The following GDAP1L1 variants were observed in gnomAD, a reference collection of about 807,000 sequenced individuals.
GDAP1L1 encodes the protein ganglioside-induced differentiation-associated protein 1-like 1.
A neutral mutation model predicts 37.1 loss-of-function variants in GDAP1L1; 21 were observed. The ratio of observed to expected loss-of-function variants is 0.57; its 90% CI spans 0.40 to 0.81. The LOEUF is 0.81. Among genes scored for constraint, GDAP1L1 ranks in the 40% least tolerant of loss-of-function variants. GDAP1L1 has a pLI of 0.00. For synonymous variants in GDAP1L1, 193 were observed against 209.1 expected (o/e 0.92, Z 0.67); for missense variants, 362 against 491.6 (o/e 0.74, Z 2.49).
intron 5 of GDAP1L1, among the ~76,000 whole-genome samples, chr20:44,270,682 T>C (rs958140640): frequency 2.0e-5 from 3 of 152,176 alleles, no homozygotes; most frequent in African/African-American, 7.2e-5. Flanking sequence ...TAGAGGCCTC[T>C]ATCCCCTGCT....
intron 5 of GDAP1L1, chr20:44,265,146 T>C (rs1191747481): frequency 1.0e-6 from 1 of 985,300 alleles, no homozygotes; most frequent in Non-Finnish European, 1.2e-6. Flanking sequence ...GAATGCATTA[T>C]AGCTCCTTCG....
intron 1 of GDAP1L1, among the ~76,000 whole-genome samples, chr20:44,249,385 C>G (rs776519391): frequency 6.6e-6 from 1 of 152,172 alleles, no homozygotes; most frequent in Non-Finnish European, 1.5e-5. Context: ...CAGAGTTAAT[C>G]AAGGTCATAC....
At chr20:44,262,178 T>C (rs1191158662) in intron 3 of GDAP1L1, among the ~76,000 whole-genome samples, 1 of 151,134 alleles carries the variant, frequency 6.6e-6, no homozygotes, top group East Asian at 1.9e-4. Flanking sequence ...ATATCTCTGG[T>C]AGGGGTGGGG....
chr20:44,252,356 C>T (rs920238590), intron 1 of GDAP1L1, among the ~76,000 whole-genome samples: 2 of 152,168 alleles, frequency 1.3e-5, no homozygotes, highest in African/African-American at 4.8e-5. Context: ...CCTAAAAATA[C>T]AGGCTGGGCG....
intron 5 of GDAP1L1, chr20:44,265,096 T>C (rs966806289): frequency 1.2e-5 from 12 of 985,286 alleles, no homozygotes; most frequent in African/African-American, 1.7e-5. Context: ...CACAACTTGA[T>C]GGCCACTACC....
chr20:44,247,198 GC>G (rs2073344607), upstream of GDAP1L1: 4 of 865,586 alleles, frequency 4.6e-6, no homozygotes, highest in South Asian at 3.3e-5. Flanking sequence ...TCCCCCAACT[GC>G]CCGGTGAGTA....
chr20:44,247,288 C>G (rs1337658176), upstream of GDAP1L1: 1 of 1,595,752 alleles, frequency 6.3e-7, no homozygotes, highest in Non-Finnish European at 8.6e-7. Context: ...GAGAGAGAGC[C>G]GCCGCGCCGG....
At chr20:44,257,067 C>A (rs936277403) in intron 1 of GDAP1L1, 86 bp from the exon 2 acceptor site, 2 of 1,380,338 alleles carry the variant, frequency 1.4e-6, no homozygotes, top group Non-Finnish European at 1.9e-6. Flanking sequence ...GACCTCTGAC[C>A]TCCCTCCCCG....
chr20:44,268,237 G>A (rs1326938547), intron 5 of GDAP1L1, among the ~76,000 whole-genome samples: 1 of 152,232 alleles, frequency 6.6e-6, no homozygotes, highest in African/African-American at 2.4e-5. Flanking sequence ...GTGACCTTGT[G>A]GAACTCACTT....
chr20:44,269,707 G>T (rs1383077499), intron 5 of GDAP1L1, among the ~76,000 whole-genome samples: 3 of 152,194 alleles, frequency 2.0e-5, no homozygotes, highest in Non-Finnish European at 4.4e-5. Context: ...CAAGACAGGT[G>T]AATCACGAGG....
chr20:44,279,759 C>G lies in GDAP1L1; in HGVS notation c.*459C>G, dbSNP rs929078455. The G allele has an allele frequency of 6.1e-5, 29 of 472,170 alleles. No individual in the cohort carries two copies. The highest frequency in any genetic ancestry group is 5.6e-4 in the African/African-American group (28 of 50,244). The allele number at this position is 472,170 out of a possible 1,614,324, so 29.2% of individuals were successfully genotyped here. On this transcript the variant is annotated 3_prime_UTR_variant, in exon 6 of 6. Coordinates refer to ENST00000342560, the MANE Select transcript of GDAP1L1 (RefSeq NM_024034.6). Reference sequence around the variant, plus strand: ...GGACAAAGCCGACATCAAGACTCAACTCCTCTAACCGGTACCTCTGAATGG... The same window carrying G: ...GGACAAAGCCGACATCAAGACTCAAGTCCTCTAACCGGTACCTCTGAATGG...
At chr20:44,251,441 G>T (rs2073440288) in intron 1 of GDAP1L1, among the ~76,000 whole-genome samples, 1 of 152,244 alleles carries the variant, frequency 6.6e-6, no homozygotes, top group Non-Finnish European at 1.5e-5. Context: ...GGGCCTGCCA[G>T]AGGCCAGTTC....
chr20:44,267,241 G>A (rs1369923977), intron 5 of GDAP1L1, among the ~76,000 whole-genome samples: 3 of 152,194 alleles, frequency 2.0e-5, no homozygotes, highest in African/African-American at 7.2e-5. Flanking sequence ...GGTAATATCA[G>A]CGATCCTGTT....
intron 5 of GDAP1L1, among the ~76,000 whole-genome samples, chr20:44,274,390 C>A (rs2062551666): frequency 6.6e-6 from 1 of 152,204 alleles, no homozygotes; most frequent in Non-Finnish European, 1.5e-5. Context: ...AATTCTGTGG[C>A]AGAATGATCT....
At chr20:44,250,703 C>A (rs1478706056) in intron 1 of GDAP1L1, among the ~76,000 whole-genome samples, 1 of 152,186 alleles carries the variant, frequency 6.6e-6, no homozygotes, top group Non-Finnish European at 1.5e-5. Flanking sequence ...TATCATAGGT[C>A]ATTGCTTGGG....
intron 5 of GDAP1L1, among the ~76,000 whole-genome samples, chr20:44,275,464 T>A (rs1424258145): frequency 6.6e-6 from 1 of 152,002 alleles, no homozygotes. Context: ...AACAACCTGT[T>A]CAAAGGTGCG....
At chr20:44,253,903 G>A (rs1183490423) in intron 1 of GDAP1L1, among the ~76,000 whole-genome samples, 1 of 152,240 alleles carries the variant, frequency 6.6e-6, no homozygotes, top group Non-Finnish European at 1.5e-5. Flanking sequence ...ATACTTTCAT[G>A]GGAGACCCAG....
intron 5 of GDAP1L1, among the ~76,000 whole-genome samples, chr20:44,271,781 G>A (rs1311259309): frequency 1.3e-5 from 2 of 152,192 alleles, no homozygotes; most frequent in Non-Finnish European, 2.9e-5. Context: ...CACGAAGACA[G>A]GAGGGGCGTG....
chr20:44,252,027 C>G (rs140172788), intron 1 of GDAP1L1, among the ~76,000 whole-genome samples: 13 of 152,300 alleles, frequency 8.5e-5, no homozygotes, highest in African/African-American at 3.1e-4. Context: ...ATATCTGATT[C>G]CTAGTGGTGA....
Sources: gnomAD v4.1 joint callset for allele counts (sites outside exome capture counted in the v4.1 genomes callset) on GRCh38, gnomAD v4.1.1 for gene constraint, MANE v1.5 for transcripts, NCBI Gene and HGNC (gene_info 2026-07-23, HGNC 2026-07-21) for gene names.